ASB5: variants seen among roughly 807,000 people sequenced by gnomAD.
The protein encoded by ASB5 is ankyrin repeat and SOCS box containing 5.
Under a neutral mutation model 42.1 loss-of-function variants are expected in ASB5, and 45 were observed. That is an observed-to-expected ratio of 1.07 (90% CI 0.84 to 1.37). ASB5 has a LOEUF of 1.37. ASB5 is among the 40% of genes most tolerant of loss of function. ASB5 has a pLI of 0.00. For synonymous variants in ASB5, 147 were observed against 150.6 expected, an observed-to-expected ratio of 0.98 and a Z score of 0.18; for missense variants, 402 against 399.8, an observed-to-expected ratio of 1.01 and a Z score of -0.05.
At chr4:176,260,465 A>G (rs1036925957) in intron 1 of ASB5, among the ~76,000 whole-genome samples, 4 of 152,164 alleles carry the variant, frequency 2.6e-5, no homozygotes, top group African/African-American at 9.7e-5. Context: ...TTAATCACAG[A>G]CCACCTGGAA....
chr4:176,253,077 C>CT lies in ASB5; in HGVS notation c.196+15835dup, dbSNP rs144166464. Among the ~76,000 whole-genome samples the CT allele has an allele frequency of 3.5e-3, 534 of 152,292 alleles. 4 individuals are homozygous for CT. The highest frequency in any genetic ancestry group is 0.012 in the African/African-American group (511 of 41,560). On this transcript the variant is annotated intron_variant, in intron 1 of 6. Coordinates refer to ENST00000296525, the MANE Select transcript of ASB5 (RefSeq NM_080874.4). The stretch of plus-strand genomic sequence containing the variant: ...AAAAGAGACTGACTATACACATGTA[C>CT]TAAGTCCAATTACAAAACTTTGAGA...
At chr4:176,243,803 A>AT (rs1753857570) in intron 1 of ASB5, among the ~76,000 whole-genome samples, 1 of 152,020 alleles carries the variant, frequency 6.6e-6, no homozygotes, top group South Asian at 2.1e-4. Flanking sequence ...TACGCAGGCA[A>AT]TTTTTTCCCT....
rs544327806 is a variant in ASB5 at position 176,216,557 on chromosome 4, G to T, written c.862+261C>A. ...GTAGAGACAGGGTTTCACCATGTTG[G>T]CCAGGATGGCCTTGATCTCTTGACC... On this transcript the variant is annotated intron_variant, in intron 6 of 6. Coordinates refer to ENST00000296525, the MANE Select transcript of ASB5 (RefSeq NM_080874.4). Among the ~76,000 whole-genome samples the T allele has an allele frequency of 2.6e-5, 4 of 152,222 alleles. No individual in the cohort carries two copies. In the East Asian group the frequency reaches 7.7e-4, roughly 29 times the overall value.
intron 1 of ASB5, among the ~76,000 whole-genome samples, chr4:176,231,421 TGGTCC>T (rs1753540224): frequency 8.6e-6 from 1 of 116,314 alleles, no homozygotes; most frequent in Non-Finnish European, 1.8e-5. Flanking sequence ...GAGAAACTGC[TGGTCC>T]TAACTTATTT....
chr4:176,253,688 G>A (rs1754089568), intron 1 of ASB5, among the ~76,000 whole-genome samples: 1 of 152,176 alleles, frequency 6.6e-6, no homozygotes, highest in African/African-American at 2.4e-5. Context: ...CTTCAGTAAA[G>A]TTTCAGGATA....
intron 1 of ASB5, chr4:176,237,471 T>A (rs957191945): frequency 1.6e-5 from 16 of 985,788 alleles, no homozygotes; most frequent in Non-Finnish European, 1.1e-5. Context: ...GTGCAAATGC[T>A]CTAGCAAGAA....
chr4:176,218,692 TATAA>T, intron 5 of ASB5, among the ~76,000 whole-genome samples: 1 of 23,294 alleles, frequency 4.3e-5, no homozygotes, highest in East Asian at 7.4e-4. Context: ...TTGTATGATA[TATAA>T]ATATATATAT....
At chr4:176,218,328 T>C (rs1429750970) in intron 5 of ASB5, among the ~76,000 whole-genome samples, 2 of 87,722 alleles carry the variant, frequency 2.3e-5, no homozygotes, top group Admixed American at 1.6e-4. Flanking sequence ...GTATGATATA[T>C]ATATTTGTAT....
At chr4:176,255,066 G>T (rs539477401) in intron 1 of ASB5, among the ~76,000 whole-genome samples, 3 of 152,308 alleles carry the variant, frequency 2.0e-5, no homozygotes, top group South Asian at 4.1e-4. Context: ...GAAGGTGGAG[G>T]TTGCAGTGAG....
intron 1 of ASB5, among the ~76,000 whole-genome samples, chr4:176,256,319 T>G (rs1175817677): frequency 6.6e-6 from 1 of 152,210 alleles, no homozygotes; most frequent in African/African-American, 2.4e-5. Flanking sequence ...TATGGTATAA[T>G]GGTCTCATAG....
At chr4:176,216,247 A>G (rs927110980) in intron 6 of ASB5, among the ~76,000 whole-genome samples, 13 of 152,210 alleles carry the variant, frequency 8.5e-5, no homozygotes, top group Admixed American at 2.0e-4. Flanking sequence ...AAATCAGCAG[A>G]TATTATACCA....
intron 1 of ASB5, among the ~76,000 whole-genome samples, chr4:176,235,507 A>G (rs1753662320): frequency 1.3e-5 from 2 of 152,204 alleles, no homozygotes; most frequent in South Asian, 4.1e-4. Flanking sequence ...TAGTTCTACC[A>G]CAAGTGATTA....
chr4:176,223,077 C>A lies in ASB5; in HGVS notation c.277-657G>T, dbSNP rs978277547. On this transcript the variant is annotated intron_variant, in intron 2 of 6. Transcript: ENST00000296525. Reference sequence around the variant, plus strand: ...ACAGGTGTGAGCCACCGCGCCCGGCCAACTTGTTTTGATTGAGGCTATAAA... The same window carrying A: ...ACAGGTGTGAGCCACCGCGCCCGGCAAACTTGTTTTGATTGAGGCTATAAA... Among the ~76,000 whole-genome samples, 3 of 152,092 alleles carry A rather than the reference C, an allele frequency of 2.0e-5. No homozygotes were observed. In the South Asian group the frequency reaches 6.2e-4, roughly 32 times the overall value.
chr4:176,259,278 T>C (rs534174203), intron 1 of ASB5, among the ~76,000 whole-genome samples: 1 of 152,334 alleles, frequency 6.6e-6, no homozygotes, highest in East Asian at 1.9e-4. Flanking sequence ...CAGGTCAAGA[T>C]GGAAGTAAGA....
At chr4:176,254,371 A>G (rs938210037) in intron 1 of ASB5, among the ~76,000 whole-genome samples, 2 of 152,194 alleles carry the variant, frequency 1.3e-5, no homozygotes, top group African/African-American at 4.8e-5. Context: ...GCAGAAAATG[A>G]AACTGGACCC....
At chr4:176,229,986 G>A (rs1428570424) in intron 1 of ASB5, among the ~76,000 whole-genome samples, 1 of 152,190 alleles carries the variant, frequency 6.6e-6, no homozygotes, top group African/African-American at 2.4e-5. Flanking sequence ...GGGATCGGGT[G>A]TAGGAAAAAA....
chr4:176,220,114 G>A (rs6810950), intron 5 of ASB5, among the ~76,000 whole-genome samples: 3 of 152,044 alleles, frequency 2.0e-5, no homozygotes, highest in Non-Finnish European at 2.9e-5. Flanking sequence ...ATCCTGGGCC[G>A]CATGGGGCCC....
intron 1 of ASB5, among the ~76,000 whole-genome samples, chr4:176,252,106 C>G (rs1402582694): frequency 7.2e-6 from 1 of 139,778 alleles, no homozygotes; most frequent in African/African-American, 2.6e-5. Flanking sequence ...AAGAAAAAGA[C>G]ACGCATATAA....
chr4:176,241,507 G>A, intron 1 of ASB5: 1 of 1,535,348 alleles, frequency 6.5e-7, no homozygotes, highest in Non-Finnish European at 8.7e-7. Context: ...ATCTGGAAGG[G>A]GCCATTATTC....
Sources: allele counts gnomAD v4.1 joint callset (sites outside exome capture counted in the v4.1 genomes callset), GRCh38; gene constraint gnomAD v4.1.1; transcripts MANE v1.5; gene names NCBI Gene and HGNC (gene_info 2026-07-23, HGNC 2026-07-21).